RRBP1: variants seen among roughly 807,000 people sequenced by gnomAD.
RRBP1 encodes ribosome binding protein 1, also known as ribosome-binding protein 1.
Under a neutral mutation model 165.2 loss-of-function variants are expected in RRBP1, and 94 were observed. The ratio of observed to expected loss-of-function variants is 0.57; its 90% CI spans 0.48 to 0.68. The LOEUF is 0.68. Ranked by LOEUF, RRBP1 falls within the 30% of genes least tolerant of loss-of-function variation. RRBP1 has a pLI of 0.00. For missense variants in RRBP1, 1,676 were observed against 1,763.0 expected, an observed-to-expected ratio of 0.95 and a Z score of 0.88; for synonymous variants, 680 against 714.5, an observed-to-expected ratio of 0.95 and a Z score of 0.77.
intron 5 of RRBP1, among the ~76,000 whole-genome samples, chr20:17,641,222 T>A (rs1229882028): frequency 6.6e-6 from 1 of 152,208 alleles, no homozygotes; most frequent in Non-Finnish European, 1.5e-5. Flanking sequence ...AGCCCCGTCC[T>A]ATGGCAGCAC....
intron 11 of RRBP1, 90 bp from the exon 12 acceptor site, chr20:17,625,692 C>T: frequency 1.8e-6 from 2 of 1,091,040 alleles, no homozygotes; most frequent in Non-Finnish European, 2.8e-6. Context: ...GGAGGAGTAC[C>T]TTCGAGGCTG....
At chr20:17,649,992 C>A (rs1268151234) in intron 3 of RRBP1, among the ~76,000 whole-genome samples, 3 of 152,134 alleles carry the variant, frequency 2.0e-5, no homozygotes, top group African/African-American at 7.2e-5. Context: ...AGAGCTGGCA[C>A]TACCTTTCCT....
Position 17,620,821 on chromosome 20 carries a change from G to T in RRBP1, c.3415-14C>A. The T allele has an allele frequency of 1.3e-6, 2 of 1,590,314 alleles. No individual in the cohort carries two copies. The highest frequency in any genetic ancestry group is 8.6e-7 in the Non-Finnish European group (1 of 1,167,412). On this transcript the variant is annotated splice_polypyrimidine_tract_variant and intron_variant, in intron 16 of 24. Transcript: ENST00000377813. ...GAGCATGCCCTCCTGGGGGGAAACC[G>T]AGGTGAGGCAGGGCCCTCTCCCTCC... is the stretch of plus-strand genomic sequence containing the variant.
At chr20:17,618,917 T>G (rs2035854772) in intron 19 of RRBP1, 2 of 512,094 alleles carry the variant, frequency 3.9e-6, no homozygotes, top group Non-Finnish European at 7.1e-6. Flanking sequence ...TTCACAAATG[T>G]TTACTGATTA....
rs758800685 is a variant in RRBP1, at chr20:17,620,683, C to A, written c.3507+32G>T. The A allele has an allele frequency of 4.4e-5, 68 of 1,545,638 alleles. 1 individual carries two copies. In the East Asian group the frequency reaches 4.5e-4, roughly 10 times the overall value. On this transcript the variant is annotated intron_variant, in intron 17 of 24. Coordinates refer to ENST00000377813, the MANE Select transcript of RRBP1 (RefSeq NM_001365613.2). ...TCTCCCCTGGGCTTCATGTGCTCCA[C>A]GGCGCCGGGAGGCAGGCAGGGCTGC... is the stretch of plus-strand genomic sequence containing the variant.
chr20:17,636,224 G>A (rs1182263510), intron 6 of RRBP1, among the ~76,000 whole-genome samples: 4 of 152,262 alleles, frequency 2.6e-5, no homozygotes, highest in South Asian at 4.1e-4. Flanking sequence ...GTGGAAAGAA[G>A]ATAGAGCCTG....
intron 2 of RRBP1, among the ~76,000 whole-genome samples, chr20:17,673,742 A>G (rs928799800): frequency 1.3e-5 from 2 of 152,172 alleles, no homozygotes; most frequent in African/African-American, 4.8e-5. Context: ...ACTGTACAGA[A>G]TAAGTCTCCA....
chr20:17,632,132 T>C (rs933099719), intron 8 of RRBP1, among the ~76,000 whole-genome samples: 2 of 152,188 alleles, frequency 1.3e-5, no homozygotes, highest in Non-Finnish European at 2.9e-5. Context: ...AGCCAGGACC[T>C]GAACCCGACA....
At chr20:17,648,437 G>A (rs1021816503) in intron 3 of RRBP1, among the ~76,000 whole-genome samples, 2 of 152,348 alleles carry the variant, frequency 1.3e-5, no homozygotes, top group East Asian at 3.9e-4. Context: ...CACAGAGCCC[G>A]GCCTTGCCCA....
intron 19 of RRBP1, 145 bp downstream of exon 19, chr20:17,619,488 T>G: frequency 1.8e-6 from 1 of 564,106 alleles, no homozygotes. Flanking sequence ...ACGAGGGGCC[T>G]GTGAGGCTTC....
chr20:17,644,133 T>C (rs1266074696), intron 3 of RRBP1, among the ~76,000 whole-genome samples: 1 of 151,588 alleles, frequency 6.6e-6, no homozygotes, highest in Non-Finnish European at 1.5e-5. Flanking sequence ...CTAGTCATAA[T>C]ATTTTCATTA....
In RRBP1 at chr20:17,625,532, G is replaced by A; in HGVS notation, c.3034C>T (p.Gln1012Ter). Residue 1012 changes from glutamine (Q) to a stop codon, truncating the protein, a stop_gained, in exon 12 of 25, where the codon CAG becomes TAG. Transcript: ENST00000377813. LOFTEE classifies it high-confidence loss of function. ...EAIELREAVE[Q>*]QKVKNNDLRE... ...CTCACATTGTTCTTCACTTTCTGCT[G>A]CTCGACGGCCTCCCTGAGCTCGATG... 6.2e-7 allele frequency: 1 copy of A among 1,613,788 alleles called. No individual in the cohort carries two copies.
At chr20:17,616,175 G>A (rs1600722236) in intron 21 of RRBP1, among the ~76,000 whole-genome samples, 166 bp from the exon 22 acceptor site, 2 of 152,244 alleles carry the variant, frequency 1.3e-5, no homozygotes, top group Middle Eastern at 3.4e-3. Flanking sequence ...TACAGACTTC[G>A]GTGTGGCTCA....
rs1288496861 is a variant in RRBP1 at position 17,615,513 on chromosome 20, C to T, written c.3968G>A (p.Cys1323Tyr). Reference protein sequence around the residue: ...AEFEEAQTSACRLQEELEKLR... With the variant: ...AEFEEAQTSAYRLQEELEKLR... The stretch of plus-strand genomic sequence containing the variant: ...CTTCTCCAATTCTTCTTGTAACCGA[C>T]ATGCCGAGGTCTGAGCCTTGCCGGA... The change falls in exon 23 of 25, where the codon TGT (cysteine) becomes TAT (tyrosine). Residue 1323 changes from cysteine (C) to tyrosine (Y), a missense_variant. Physicochemically the swap from Cys to Tyr is radical, Grantham distance 194. Transcript: ENST00000377813. The T allele has an allele frequency of 6.2e-7, 1 of 1,606,010 alleles. No individual in the cohort carries two copies. Among genetic ancestry groups the T allele is most frequent in the Non-Finnish European group, 8.5e-7 (1 of 1,177,544 alleles).
rs773313617 is a variant in RRBP1, at chr20:17,659,361, C to G, written c.1147G>C (p.Glu383Gln). The G allele has an allele frequency of 1.2e-5, 19 of 1,539,106 alleles. No homozygotes were observed. The Middle Eastern group carries it at 1.0e-3, about 82-fold the overall frequency. The change falls in exon 3 of 25, where the codon GAG becomes CAG. Residue 383 changes from glutamate to glutamine, a missense_variant. By Grantham distance (29) the Glu-to-Gln change is conservative. Around this residue, in one of 5 missense-constraint regions of RRBP1, gnomAD observed 78 missense variants for 115.6 expected, o/e 0.67. Coordinates refer to ENST00000377813, the MANE Select transcript of RRBP1 (RefSeq NM_001365613.2). The stretch of plus-strand genomic sequence containing the variant: ...TTTTTGCCCTGGTTCTGAGCCCCCT[C>G]GGCCTTTTTGCCCTGGTTCTGAGCC... ...EGAQNQGKKA[E>Q]GAQNQGKKVE...
chr20:17,618,798 G>A (rs933368985), intron 19 of RRBP1, 119 bp from the exon 20 acceptor site: 6 of 753,294 alleles, frequency 8.0e-6, no homozygotes, highest in African/African-American at 1.7e-5. Flanking sequence ...AAACCCTGAG[G>A]AGGGTCACAG....
chr20:17,658,800 C>A lies in RRBP1; in HGVS notation c.1708G>T (p.Ala570Ser). The change falls in exon 3 of 25, where the codon GCA becomes TCA. Residue 570 changes from alanine (A) to serine (S), a missense_variant. Ala to Ser is a moderately conservative substitution (Grantham distance 99). Around this residue, in one of 5 missense-constraint regions of RRBP1, gnomAD observed 1,184 missense variants for 1,167.1 expected, o/e 1.01. Coordinates refer to ENST00000377813, the MANE Select transcript of RRBP1 (RefSeq NM_001365613.2). ...TTGCCTTCACTGGGGGACCCTTCTG[C>A]TTTTTTCCCCTGGTTTGTAATACCC... ...VEGITNQGKK[A>S]EGSPSEGKKA... is the part of the protein sequence containing the mutation. 1 of 1,614,014 alleles carries A rather than the reference C, an allele frequency of 6.2e-7. No individual in the cohort carries two copies. The highest frequency in any genetic ancestry group is 8.5e-7 in the Non-Finnish European group (1 of 1,179,918).
chr20:17,633,678 C>G lies in RRBP1; in HGVS notation c.2457-65G>C, dbSNP rs2036196081. The G allele has an allele frequency of 3.2e-6, 5 of 1,550,872 alleles. No individual in the cohort carries two copies. The Admixed American group carries it at 8.8e-5, about 27-fold the overall frequency. Reference sequence around the variant, plus strand: ...GGTGATGGGATCGGTGGTCCAAGCCCTCCCTCCAGGACTCCAGCTCTCTTG... The same window carrying G: ...GGTGATGGGATCGGTGGTCCAAGCCGTCCCTCCAGGACTCCAGCTCTCTTG... On this transcript the variant is annotated intron_variant, in intron 7 of 24. Coordinates refer to ENST00000377813, the MANE Select transcript of RRBP1 (RefSeq NM_001365613.2).
intron 2 of RRBP1, among the ~76,000 whole-genome samples, chr20:17,663,660 T>C (rs1002218729): frequency 2.0e-5 from 3 of 152,356 alleles, no homozygotes; most frequent in Middle Eastern, 3.4e-3. Flanking sequence ...TCAGCTTCAG[T>C]GAGGCGTAAA....
Sources: allele counts gnomAD v4.1 joint callset (sites outside exome capture counted in the v4.1 genomes callset), GRCh38; gene constraint gnomAD v4.1.1; regional missense constraint gnomAD v4.1.1; transcripts MANE v1.5; gene names NCBI Gene and HGNC (gene_info 2026-07-23, HGNC 2026-07-21).